The following NMNAT2 variants were observed in gnomAD, a reference collection of about 807,000 sequenced individuals.
NMNAT2 encodes the protein nicotinamide/nicotinic acid mononucleotide adenylyltransferase 2.
In NMNAT2, 11 loss-of-function variants were observed where a neutral mutation model predicts 41.6. The ratio of observed to expected loss-of-function variants is 0.26; its 90% CI spans 0.17 to 0.44. The LOEUF (loss-of-function observed/expected upper bound fraction) is 0.44. Ranked by LOEUF, NMNAT2 falls within the 20% of genes least tolerant of loss-of-function variation. The pLI is 1.00. For synonymous variants in NMNAT2, 148 were observed against 151.2 expected (o/e 0.98, Z 0.16); for missense variants, 288 against 407.7 (o/e 0.71, Z 2.53).
chr1:183,315,929 A>C (rs909980583), intron 1 of NMNAT2, among the ~76,000 whole-genome samples: 4 of 152,182 alleles, frequency 2.6e-5, no homozygotes, highest in Non-Finnish European at 5.9e-5. Context: ...AAAAAATAAA[A>C]TGAGTAGCCC....
intron 7 of NMNAT2, among the ~76,000 whole-genome samples, chr1:183,280,385 C>T (rs1661228796): frequency 6.6e-6 from 1 of 151,884 alleles, no homozygotes; most frequent in Non-Finnish European, 1.5e-5. Context: ...TCGTAAACTT[C>T]CTTTTTTTTT....
intron 7 of NMNAT2, among the ~76,000 whole-genome samples, chr1:183,279,786 C>T (rs963408026): frequency 2.0e-5 from 3 of 152,218 alleles, no homozygotes; most frequent in Non-Finnish European, 4.4e-5. Context: ...AAGGGAGCCC[C>T]ACTGAGGACT....
intron 1 of NMNAT2, among the ~76,000 whole-genome samples, chr1:183,345,114 C>G (rs9660163): frequency 9.4e-6 from 1 of 106,872 alleles, no homozygotes; most frequent in African/African-American, 2.7e-5. Context: ...ATACAATCTT[C>G]TCTTCTCCTC....
intron 1 of NMNAT2, among the ~76,000 whole-genome samples, chr1:183,391,816 T>A (rs1648489181): frequency 6.6e-6 from 1 of 152,198 alleles, no homozygotes. Context: ...ATGTCTGACA[T>A]GATTGATCGT....
intron 1 of NMNAT2, among the ~76,000 whole-genome samples, chr1:183,397,713 C>T (rs976380248): frequency 6.6e-5 from 10 of 152,124 alleles, no homozygotes; most frequent in Non-Finnish European, 8.8e-5. Flanking sequence ...GTGGATCTCT[C>T]GGCAGAAACT....
intron 1 of NMNAT2, among the ~76,000 whole-genome samples, chr1:183,406,514 G>C (rs575568264): frequency 1.3e-5 from 2 of 152,288 alleles, no homozygotes; most frequent in East Asian, 3.9e-4. Flanking sequence ...TTGGAAAATA[G>C]TGCATTCTCT....
chr1:183,378,432 A>G (rs957880176), intron 1 of NMNAT2, among the ~76,000 whole-genome samples: 5 of 150,952 alleles, frequency 3.3e-5, no homozygotes, highest in Non-Finnish European at 5.9e-5. Flanking sequence ...GTGCACACCT[A>G]TAATCCCAGC....
At chr1:183,308,494 A>G (rs539601048) in intron 1 of NMNAT2, among the ~76,000 whole-genome samples, 3 of 152,222 alleles carry the variant, frequency 2.0e-5, no homozygotes, top group Non-Finnish European at 4.4e-5. Flanking sequence ...GTGCACAGAG[A>G]TGTATTCAAA....
intron 8 of NMNAT2, among the ~76,000 whole-genome samples, chr1:183,269,728 G>A (rs1660931643): frequency 6.6e-6 from 1 of 152,182 alleles, no homozygotes; most frequent in Non-Finnish European, 1.5e-5. Flanking sequence ...TCATAGGTGG[G>A]GAAACCAAGA....
intron 1 of NMNAT2, among the ~76,000 whole-genome samples, chr1:183,320,330 C>T (rs1662333083): frequency 2.0e-5 from 3 of 152,294 alleles, no homozygotes; most frequent in Admixed American, 6.5e-5. Context: ...TGGCCAGGCA[C>T]GGTGGCTCAC....
chr1:183,404,859 A>G (rs2101928590), intron 1 of NMNAT2, among the ~76,000 whole-genome samples: 1 of 152,320 alleles, frequency 6.6e-6, no homozygotes, highest in Admixed American at 6.5e-5. Context: ...CAAATGCAAA[A>G]TGGGGAAGAA....
chr1:183,397,252 G>A (rs1171804082), intron 1 of NMNAT2, among the ~76,000 whole-genome samples: 1 of 152,164 alleles, frequency 6.6e-6, no homozygotes, highest in African/African-American at 2.4e-5. Flanking sequence ...TTCTGCTGGT[G>A]TTTGGGGACC....
intron 10 of NMNAT2, among the ~76,000 whole-genome samples, chr1:183,260,776 G>A (rs954188316): frequency 5.6e-5 from 8 of 142,828 alleles, no homozygotes; most frequent in Admixed American, 3.0e-4. Flanking sequence ...CTGAGATTGC[G>A]CCATTGAACT....
chr1:183,341,272 T>C (rs1662794822), intron 1 of NMNAT2, among the ~76,000 whole-genome samples: 1 of 152,162 alleles, frequency 6.6e-6, no homozygotes. Flanking sequence ...CACCTACCCA[T>C]TAGTTGCTCC....
At position 183,290,030 on chromosome 1, in the gene NMNAT2, C is replaced by T; in HGVS notation, c.321+98G>A. 3.2e-6 allele frequency: 3 copies of T among 936,654 alleles called. No individual in the cohort carries two copies. The South Asian group carries it at 4.8e-5, about 15-fold the overall frequency. 58.0% of individuals were successfully genotyped at this position (936,654 alleles called of 1,614,324 possible). On this transcript the variant is annotated intron_variant, in intron 4 of 10. Coordinates refer to ENST00000287713, the MANE Select transcript of NMNAT2 (RefSeq NM_015039.4). ...GGCTGAAAGCAGGTCGATAGGCCAGCAGCACCCTCTCCTCTCCCTGCCTGG... is the reference window on the plus strand; with the variant it reads ...GGCTGAAAGCAGGTCGATAGGCCAGTAGCACCCTCTCCTCTCCCTGCCTGG...
intron 4 of NMNAT2, among the ~76,000 whole-genome samples, chr1:183,287,711 GT>G (rs773207994): frequency 3.9e-5 from 6 of 152,168 alleles, no homozygotes; most frequent in Non-Finnish European, 8.8e-5. Flanking sequence ...CTTATTCAAG[GT>G]TTCTTCGTTT....
chr1:183,394,933 G>A (rs1399210368), intron 1 of NMNAT2, among the ~76,000 whole-genome samples: 1 of 152,144 alleles, frequency 6.6e-6, no homozygotes, highest in Non-Finnish European at 1.5e-5. Context: ...ATGTCTGCAG[G>A]CCTCTCAGAG....
rs80061526 is a variant in NMNAT2 at position 183,392,111 on chromosome 1, A to C, written c.85+26072T>G. Among the ~76,000 whole-genome samples, 1,079 of 152,258 alleles carry C rather than the reference A, an allele frequency of 7.1e-3. 4 individuals carry two copies. The highest frequency in any genetic ancestry group is 9.7e-3 in the Non-Finnish European group (657 of 68,028). ...TTTTATTTTTGGCTCAGGCTGAACT[A>C]TGCTTACTCAACATCTCCACTTGAA... On this transcript the variant is annotated intron_variant, in intron 1 of 10. Transcript: ENST00000287713.
intron 1 of NMNAT2, among the ~76,000 whole-genome samples, chr1:183,398,617 A>G (rs1014922594): frequency 3.3e-5 from 5 of 152,216 alleles, no homozygotes; most frequent in African/African-American, 1.2e-4. Flanking sequence ...CATTCTTCTT[A>G]GCACCACATC....
Sources: allele counts gnomAD v4.1 joint callset (sites outside exome capture counted in the v4.1 genomes callset), GRCh38; gene constraint gnomAD v4.1.1; transcripts MANE v1.5; gene names NCBI Gene and HGNC (gene_info 2026-07-23, HGNC 2026-07-21).